MTMR8: variants seen among roughly 807,000 people sequenced by gnomAD.
MTMR8 encodes phosphatidylinositol-3,5-bisphosphate 3-phosphatase MTMR8.
MTMR8 carries 65 observed loss-of-function variants against 39.3 expected under a neutral mutation model. That is an observed-to-expected ratio of 1.65 (90% CI 1.35 to 2.03). The LOEUF (loss-of-function observed/expected upper bound fraction) is 2.03, where lower values mean the gene tolerates loss of function less well. MTMR8 is among the 30% of genes most tolerant of loss of function. The pLI is 0.00. For synonymous variants in MTMR8, 245 were observed against 185.2 expected (o/e 1.32, Z -2.62); for missense variants, 777 against 538.9 (o/e 1.44, Z -4.37).
chrX:64,291,388 C>T (rs1217880824), intron 12 of MTMR8, among the ~76,000 whole-genome samples: 1 of 110,861 alleles, frequency 9.0e-6, no homozygotes, highest in Non-Finnish European at 1.9e-5. Context: ...TCCTGACATG[C>T]TGCCTAGTCA....
rs868109887 is a variant in MTMR8 at position 64,294,435 on chromosome X, C to T, written c.1482-23362G>A. On this transcript the variant is annotated intron_variant, in intron 12 of 13. Transcript: ENST00000374852. ...ACCTAGATGCCTGCCCCATTATTTC[C>T]ACCAGAAATTCAGCTTTGGCATTAT... 4.3e-4 allele frequency among the ~76,000 whole-genome samples: 48 copies of T among 111,423 alleles called. No homozygotes were observed. In the Middle Eastern group the frequency reaches 0.014, roughly 32 times the overall value.
intron 1 of MTMR8, among the ~76,000 whole-genome samples, chrX:64,382,917 G>T (rs1050676482): frequency 4.5e-5 from 5 of 111,266 alleles, no homozygotes; most frequent in African/African-American, 1.3e-4. Flanking sequence ...GAGTGAAAAA[G>T]TTCCCCAGGT....
intron 12 of MTMR8, among the ~76,000 whole-genome samples, chrX:64,302,114 G>T (rs1368152169): frequency 8.9e-6 from 1 of 112,960 alleles, no homozygotes; most frequent in Admixed American, 9.3e-5. Flanking sequence ...CTTTCTGGCT[G>T]CTTTGTTTAC....
chrX:64,308,887 C>A (rs1285536262), intron 12 of MTMR8, among the ~76,000 whole-genome samples: 6 of 111,363 alleles, frequency 5.4e-5, no homozygotes, highest in African/African-American at 2.0e-4. Context: ...TGTCTTTGTT[C>A]CTTTGTCAAA....
intron 1 of MTMR8, among the ~76,000 whole-genome samples, chrX:64,386,538 G>T (rs1172729143): frequency 9.0e-6 from 1 of 111,620 alleles, no homozygotes; most frequent in African/African-American, 3.3e-5. Context: ...GGAATCTTCA[G>T]GCACAGAATA....
intron 2 of MTMR8, among the ~76,000 whole-genome samples, chrX:64,358,576 G>A (rs1280526566): frequency 9.0e-6 from 1 of 111,126 alleles, no homozygotes; most frequent in Admixed American, 9.6e-5. Context: ...CTTGCCCAAG[G>A]TTACAAAAGT....
intron 1 of MTMR8, among the ~76,000 whole-genome samples, chrX:64,387,666 G>A (rs1924596476): frequency 9.3e-6 from 1 of 107,009 alleles, no homozygotes; most frequent in Non-Finnish European, 1.9e-5. Context: ...CAGAATATGT[G>A]TGTGGGGTTG....
chrX:64,385,248 A>G (rs1300106086), intron 1 of MTMR8, among the ~76,000 whole-genome samples: 1 of 111,953 alleles, frequency 8.9e-6, no homozygotes, highest in Admixed American at 9.4e-5. Context: ...TTTCCACCTG[A>G]GACCTCATCA....
chrX:64,268,457 A>G lies in MTMR8; in HGVS notation c.*80T>C. The G allele has an allele frequency of 3.6e-6, 4 of 1,118,836 alleles. No homozygotes were observed. The highest frequency in any genetic ancestry group is 4.7e-6 in the Non-Finnish European group (4 of 842,791). 92.2% of individuals were successfully genotyped at this position (1,118,836 alleles called of 1,213,427 possible). A position where few individuals can be genotyped will look rare whatever the true frequency, so the allele number is the denominator to read the frequency against. ...GGCTTCACCCACTTAAACCAATTGG[A>G]AAAGCAGCATAGCCCTCTCTGGGAC... On this transcript the variant is annotated 3_prime_UTR_variant, in exon 14 of 14. Coordinates refer to ENST00000374852, the MANE Select transcript of MTMR8 (RefSeq NM_017677.4).
chrX:64,321,137 TCAA>T (rs1176362815), intron 12 of MTMR8, among the ~76,000 whole-genome samples: 3 of 111,335 alleles, frequency 2.7e-5, no homozygotes, highest in Non-Finnish European at 3.8e-5. Context: ...TACCCAGTTT[TCAA>T]CAACAACAAC....
intron 12 of MTMR8, among the ~76,000 whole-genome samples, chrX:64,313,606 T>C (rs1922378278): frequency 8.9e-6 from 1 of 112,659 alleles, no homozygotes; most frequent in Non-Finnish European, 1.9e-5. Context: ...CTAAGCTTAA[T>C]GATTTCAAGC....
intron 12 of MTMR8, among the ~76,000 whole-genome samples, chrX:64,287,604 C>T (rs1281606657): frequency 9.1e-6 from 1 of 110,405 alleles, no homozygotes; most frequent in Non-Finnish European, 1.9e-5. Flanking sequence ...CATGGTACTG[C>T]TACCAAAACA....
intron 1 of MTMR8, among the ~76,000 whole-genome samples, chrX:64,387,505 G>A (rs1400183942): frequency 9.0e-6 from 1 of 110,951 alleles, no homozygotes; most frequent in African/African-American, 3.3e-5. Flanking sequence ...GGAATCCTGT[G>A]CCTATTAGCA....
chrX:64,291,154 G>A (rs982208529), intron 12 of MTMR8, among the ~76,000 whole-genome samples: 16 of 111,028 alleles, frequency 1.4e-4, no homozygotes, highest in African/African-American at 4.3e-4. Flanking sequence ...TAGCAGGCTG[G>A]GAACTCATTC....
At chrX:64,358,104 T>C (rs2147233555) in intron 2 of MTMR8, among the ~76,000 whole-genome samples, 1 of 111,940 alleles carries the variant, frequency 8.9e-6, no homozygotes, top group Non-Finnish European at 1.9e-5. Context: ...AGATAGGAGA[T>C]AGGCTTACGG....
chrX:64,326,641 G>A (rs973837076), intron 12 of MTMR8, among the ~76,000 whole-genome samples: 7 of 110,588 alleles, frequency 6.3e-5, no homozygotes, highest in East Asian at 2.8e-4. Context: ...CAGATTCAAC[G>A]TAATCTCTAA....
In MTMR8 at chrX:64,343,661, A is replaced by G; in HGVS notation, c.925T>C (p.Trp309Arg). Residue 309 changes from tryptophan (W) to arginine (R), a missense_variant, in exon 8 of 14, where the codon TGG (tryptophan) becomes CGG (arginine). Trp to Arg is a moderately radical substitution (Grantham distance 101). Coordinates refer to ENST00000374852, the MANE Select transcript of MTMR8 (RefSeq NM_017677.4). ...EFLSGLESSG[W>R]LRHIKAIMDA... ...ATAATAGCTTTAATGTGTCTTAACC[A>G]CCCTGAGCTCTCCAGGCCGCTAAGA... 1 of 1,209,007 alleles carries G rather than the reference A, an allele frequency of 8.3e-7. No homozygotes were observed. Among genetic ancestry groups the G allele is most frequent in the South Asian group, 1.8e-5 (1 of 56,682 alleles).
At chrX:64,303,998 G>C (rs1324185619) in intron 12 of MTMR8, among the ~76,000 whole-genome samples, 2 of 111,719 alleles carry the variant, frequency 1.8e-5, no homozygotes, top group East Asian at 5.6e-4. Flanking sequence ...AGTCTGTTTT[G>C]AGAAAAAGTT....
chrX:64,302,077 G>T (rs1359734786), intron 12 of MTMR8, among the ~76,000 whole-genome samples: 1 of 112,902 alleles, frequency 8.9e-6, no homozygotes, highest in Non-Finnish European at 1.9e-5. Flanking sequence ...GCCTCCTTGA[G>T]CTGTGGTTGG....
Sources: gnomAD v4.1 joint callset for allele counts (sites outside exome capture counted in the v4.1 genomes callset) on GRCh38, gnomAD v4.1.1 for gene constraint, MANE v1.5 for transcripts, NCBI Gene and HGNC (gene_info 2026-07-23, HGNC 2026-07-21) for gene names.